PLB1: variants seen among roughly 807,000 people sequenced by gnomAD.
The protein encoded by PLB1 is phospholipase B1.
A neutral mutation model predicts 227.4 loss-of-function variants in PLB1; 242 were observed. The ratio of observed to expected loss-of-function variants is 1.06; its 90% CI spans 0.96 to 1.18. The LOEUF (loss-of-function observed/expected upper bound fraction) is 1.18. PLB1 is among the 50% of genes most tolerant of loss of function. The probability of loss-of-function intolerance (pLI) is 0.00; values close to 1 mark genes in which losing one functional copy is unlikely to be tolerated. For missense variants in PLB1, 1,858 were observed against 1,816.3 expected (o/e 1.02, Z -0.42); for synonymous variants, 757 against 682.2 (o/e 1.11, Z -1.71).
Position 28,582,394 on chromosome 2 carries a change from C to A in PLB1, c.1633-11C>A. Reference sequence around the variant, plus strand: ...CTCATCCTCTTGGTGACTGAGTTTGCCTTTTCTCAGGTTCCTCGGGCATTT... The same window carrying A: ...CTCATCCTCTTGGTGACTGAGTTTGACTTTTCTCAGGTTCCTCGGGCATTT... On this transcript the variant is annotated splice_polypyrimidine_tract_variant and intron_variant, in intron 24 of 57. Coordinates refer to ENST00000327757, the MANE Select transcript of PLB1 (RefSeq NM_153021.5). The A allele has an allele frequency of 6.2e-7, 1 of 1,610,116 alleles. No individual in the cohort carries two copies. Among genetic ancestry groups the A allele is most frequent in the African/African-American group, 1.3e-5 (1 of 74,968 alleles).
At chr2:28,500,289 CAACA>C (rs1438459494) in intron 1 of PLB1, among the ~76,000 whole-genome samples, 2 of 152,102 alleles carry the variant, frequency 1.3e-5, no homozygotes, top group African/African-American at 4.8e-5. Context: ...TGTGTATGAA[CAACA>C]AACAGTGATG....
At chr2:28,590,826 A>T (rs916409658) in intron 29 of PLB1, among the ~76,000 whole-genome samples, 1 of 152,108 alleles carries the variant, frequency 6.6e-6, no homozygotes, top group Admixed American at 6.5e-5. Context: ...AAAGAGGTGC[A>T]TGGTTGGAAG....
At chr2:28,602,944 C>T in intron 39 of PLB1, 23 bp downstream of exon 39, 1 of 1,599,972 alleles carries the variant, frequency 6.3e-7, no homozygotes, top group Non-Finnish European at 8.6e-7. Context: ...TGGCTGTCCC[C>T]ACACTGGAGA....
intron 28 of PLB1, 85 bp downstream of exon 28, chr2:28,589,855 C>T (rs1242751468): frequency 4.2e-6 from 6 of 1,413,564 alleles, no homozygotes; most frequent in African/African-American, 2.8e-5. Flanking sequence ...GGAGGCCCAT[C>T]GTGCAGGCCA....
At chr2:28,520,186 C>A (rs552457387) in intron 4 of PLB1, among the ~76,000 whole-genome samples, 1 of 151,906 alleles carries the variant, frequency 6.6e-6, no homozygotes, top group African/African-American at 2.4e-5. Context: ...CCTTGGCCCC[C>A]CAAAGTGCTG....
intron 46 of PLB1, among the ~76,000 whole-genome samples, chr2:28,620,000 C>T (rs776898134): frequency 4.6e-5 from 7 of 151,806 alleles, no homozygotes; most frequent in Non-Finnish European, 7.4e-5. Flanking sequence ...GTTAGGAACA[C>T]GGCAAAGGGA....
chr2:28,593,638 C>CT (rs1253134663), intron 32 of PLB1, 43 bp from the exon 33 acceptor site: 1 of 1,570,028 alleles, frequency 6.4e-7, no homozygotes, highest in Non-Finnish European at 8.8e-7. Flanking sequence ...TCCCTGTTCT[C>CT]TGACTTGCTA....
chr2:28,539,010 C>T, intron 10 of PLB1, 89 bp from the exon 11 acceptor site: 1 of 1,048,018 alleles, frequency 9.5e-7, no homozygotes, highest in Non-Finnish European at 1.5e-6. Flanking sequence ...TCAACCACAC[C>T]CCAACGGGGC....
intron 4 of PLB1, 48 bp downstream of exon 4, chr2:28,519,811 T>C (rs748773272): frequency 4.0e-6 from 6 of 1,491,032 alleles, no homozygotes; most frequent in Non-Finnish European, 5.6e-6. Flanking sequence ...TTGGTACTGA[T>C]GATCCTCTGA....
At chr2:28,518,031 T>C (rs924782631) in intron 2 of PLB1, among the ~76,000 whole-genome samples, 1 of 151,942 alleles carries the variant, frequency 6.6e-6, no homozygotes, top group Non-Finnish European at 1.5e-5. Flanking sequence ...ACGCCACCAC[T>C]AATTTCTGTA....
intron 48 of PLB1, 68 bp downstream of exon 48, chr2:28,620,711 G>C: frequency 6.2e-7 from 1 of 1,600,458 alleles, no homozygotes; most frequent in Non-Finnish European, 8.6e-7. Flanking sequence ...CTTCCTGCTG[G>C]AGGAGGGGAA....
In PLB1 at chr2:28,549,591, T is replaced by TATCTA. The variant is rs1203972577; in HGVS notation, c.1009-417_1009-416insCTAAT. ...CCACCACACCCAGCTAATTTTTTTG[T>TATCTA]ATTTTTAGTCTTTCTATCATTTAAT... is the stretch of plus-strand genomic sequence containing the variant. On this transcript the variant is annotated intron_variant, in intron 15 of 57. Coordinates refer to ENST00000327757, the MANE Select transcript of PLB1 (RefSeq NM_153021.5). 7.9e-5 allele frequency among the ~76,000 whole-genome samples: 12 copies of TATCTA among 152,212 alleles called. No homozygotes were observed. The South Asian group carries it at 2.5e-3, about 32-fold the overall frequency.
chr2:28,559,731 GC>G, intron 17 of PLB1, among the ~76,000 whole-genome samples: 1 of 143,804 alleles, frequency 7.0e-6, no homozygotes, highest in African/African-American at 2.6e-5. Flanking sequence ...TTCACTGCAG[GC>G]CTGAAAGCTT....
At position 28,582,492 on chromosome 2, in the gene PLB1, A is replaced by T. The variant is rs144737372; in HGVS notation, c.1720A>T (p.Arg574Trp). The change falls in exon 25 of 58, where the codon AGG becomes TGG. Residue 574 changes from arginine (R) to tryptophan (W), a missense_variant. Coordinates refer to ENST00000327757, the MANE Select transcript of PLB1 (RefSeq NM_153021.5). Reference protein sequence around the residue: ...LYQEKKVYCPRMILRSLCPCV... With the variant: ...LYQEKKVYCPWMILRSLCPCV... ...CCAGGAGAAAAAAGTCTACTGCCCAAGGATGATCCTCAGGTCAGACAGATA... is the reference window on the plus strand; with the variant it reads ...CCAGGAGAAAAAAGTCTACTGCCCATGGATGATCCTCAGGTCAGACAGATA... 1 of 1,607,618 alleles carries T rather than the reference A, an allele frequency of 6.2e-7. No individual in the cohort carries two copies.
At chr2:28,606,807 C>G (rs1275838568) in intron 43 of PLB1, among the ~76,000 whole-genome samples, 2 of 152,070 alleles carry the variant, frequency 1.3e-5, no homozygotes, top group Admixed American at 6.5e-5. Flanking sequence ...TGGGCCCCAG[C>G]AGAGGGAGAG....
intron 56 of PLB1, among the ~76,000 whole-genome samples, chr2:28,635,212 A>G (rs1689155365): frequency 1.3e-5 from 2 of 152,204 alleles, no homozygotes; most frequent in South Asian, 4.1e-4. Flanking sequence ...GGAAATAATT[A>G]TACAGTCTAA....
At chr2:28,532,366 A>G (rs1671136851) in intron 9 of PLB1, among the ~76,000 whole-genome samples, 172 bp downstream of exon 9, 1 of 152,212 alleles carries the variant, frequency 6.6e-6, no homozygotes, top group South Asian at 2.1e-4. Context: ...GGATGGGCAG[A>G]CAGACAGACA....
chr2:28,536,188 T>C, intron 9 of PLB1, among the ~76,000 whole-genome samples: 1 of 152,372 alleles, frequency 6.6e-6, no homozygotes, highest in East Asian at 1.9e-4. Flanking sequence ...AACAAGGGCC[T>C]GTGTCCACAG....
chr2:28,639,373 G>A (rs544180018), intron 56 of PLB1, among the ~76,000 whole-genome samples: 12 of 152,140 alleles, frequency 7.9e-5, no homozygotes, highest in East Asian at 1.9e-4. Flanking sequence ...CCCATATGGC[G>A]ATCGTTGGTG....
Sources: allele counts gnomAD v4.1 joint callset (sites outside exome capture counted in the v4.1 genomes callset), GRCh38; gene constraint gnomAD v4.1.1; transcripts MANE v1.5; gene names NCBI Gene and HGNC (gene_info 2026-07-23, HGNC 2026-07-21).